The following CRPPA variants were observed in gnomAD, a reference collection of about 807,000 sequenced individuals.
CRPPA encodes the protein CDP-L-ribitol pyrophosphorylase A, also known as D-ribitol-5-phosphate cytidylyltransferase.
CRPPA carries 43 observed loss-of-function variants against 52.0 expected under a neutral mutation model. The ratio of observed to expected loss-of-function variants is 0.83; its 90% CI spans 0.65 to 1.07. The LOEUF (loss-of-function observed/expected upper bound fraction) is 1.07. Among genes scored for constraint, CRPPA ranks in the 50% least tolerant of loss-of-function variants. The probability of loss-of-function intolerance (pLI) is 0.00; values close to 1 mark genes in which losing one functional copy is unlikely to be tolerated. For missense variants in CRPPA, 629 were observed against 551.7 expected (o/e 1.14, Z -1.40); for synonymous variants, 250 against 203.5 (o/e 1.23, Z -1.94).
intron 2 of CRPPA, among the ~76,000 whole-genome samples, chr7:16,377,269 G>T (rs1055275980): frequency 5.9e-5 from 9 of 152,120 alleles, no homozygotes; most frequent in African/African-American, 1.9e-4. Flanking sequence ...AAACAAAAAT[G>T]AGGACACAGG....
chr7:16,144,408 G>C (rs1395000372), intron 9 of CRPPA, among the ~76,000 whole-genome samples: 1 of 152,218 alleles, frequency 6.6e-6, no homozygotes, highest in African/African-American at 2.4e-5. Flanking sequence ...GAAGTCATAT[G>C]CAGGAGTTCA....
rs941455729 is a variant in CRPPA at position 16,128,156 on chromosome 7, C to A, written c.1252-36357G>T. On this transcript the variant is annotated intron_variant, in intron 9 of 9. Transcript: ENST00000407010. ...GGAGGAGGGAGAACACCAGGAAGAA[C>A]TGAATGTATACTGGGCTTAATACTT... 3.3e-5 allele frequency among the ~76,000 whole-genome samples: 5 copies of A among 152,210 alleles called. No homozygotes were observed. The East Asian group carries it at 9.7e-4, about 29-fold the overall frequency.
intron 2 of CRPPA, among the ~76,000 whole-genome samples, chr7:16,399,566 G>A (rs114482670): frequency 0.02 from 3,071 of 151,936 alleles, 95 homozygotes; most frequent in African/African-American, 0.07. Flanking sequence ...GACATGACAC[G>A]TTTGTGACAT....
rs1439047279 is a variant in CRPPA at position 16,383,262 on chromosome 7, G to T, written c.535-7021C>A. Among the ~76,000 whole-genome samples the T allele has an allele frequency of 2.0e-5, 3 of 152,078 alleles. No homozygotes were observed. The East Asian group carries it at 5.8e-4, about 29-fold the overall frequency. On this transcript the variant is annotated intron_variant, in intron 2 of 9. Coordinates refer to ENST00000407010, the MANE Select transcript of CRPPA (RefSeq NM_001101426.4). ...TGGAGTTTGCTAGAGGTCCACTCTA[G>T]ACCCTGTTTGCCTGGGTATCAGCAG...
chr7:16,388,270 T>C (rs988423971), intron 2 of CRPPA, among the ~76,000 whole-genome samples: 12 of 151,924 alleles, frequency 7.9e-5, no homozygotes, highest in African/African-American at 2.9e-4. Context: ...CCAGCCAAAG[T>C]TGGGAATTTA....
intron 3 of CRPPA, 24 bp downstream of exon 3, chr7:16,376,068 T>G (rs1387292393): frequency 1.9e-6 from 3 of 1,549,964 alleles, no homozygotes; most frequent in Non-Finnish European, 2.6e-6. Context: ...AACAGCAGCT[T>G]ATTCAAAAAG....
At chr7:16,342,591 A>G (rs1305591030) in intron 3 of CRPPA, among the ~76,000 whole-genome samples, 4 of 151,192 alleles carry the variant, frequency 2.6e-5, no homozygotes, top group Non-Finnish European at 5.9e-5. Context: ...CATGTTGATA[A>G]TCCTCATCTC....
At chr7:16,136,510 G>A (rs997347252) in intron 9 of CRPPA, among the ~76,000 whole-genome samples, 1 of 152,122 alleles carries the variant, frequency 6.6e-6, no homozygotes, top group Non-Finnish European at 1.5e-5. Context: ...TATCCATTTT[G>A]AAGTTCAAGA....
chr7:16,221,545 A>G (rs1455002360), intron 8 of CRPPA, among the ~76,000 whole-genome samples: 1 of 152,176 alleles, frequency 6.6e-6, no homozygotes, highest in Non-Finnish European at 1.5e-5. Flanking sequence ...CAACCTACTC[A>G]TCTGACAAAG....
At chr7:16,102,767 G>T (rs973789853) in intron 9 of CRPPA, among the ~76,000 whole-genome samples, 8 of 152,206 alleles carry the variant, frequency 5.3e-5, no homozygotes, top group Non-Finnish European at 7.4e-5. Flanking sequence ...GCCATCTCAC[G>T]CCAGTTAGAA....
At chr7:16,160,137 GT>G (rs1783272231) in intron 9 of CRPPA, among the ~76,000 whole-genome samples, 1 of 152,132 alleles carries the variant, frequency 6.6e-6, no homozygotes, top group Admixed American at 6.5e-5. Flanking sequence ...TCTGATGATA[GT>G]TTATTTTGCT....
At chr7:16,118,790 T>C (rs552878919) in intron 9 of CRPPA, among the ~76,000 whole-genome samples, 1 of 152,306 alleles carries the variant, frequency 6.6e-6, no homozygotes, top group Non-Finnish European at 1.5e-5. Flanking sequence ...ATCTGAAGTA[T>C]AAATCCTAGC....
rs1787078166 is a variant in CRPPA, at chr7:16,381,220, C to G, written c.535-4979G>C. 2.0e-5 allele frequency among the ~76,000 whole-genome samples: 3 copies of G among 152,314 alleles called. No homozygotes were observed. The South Asian group carries it at 6.2e-4, about 32-fold the overall frequency. ...TGTTCTGGTTGGTTTCAAAGAACAT[C>G]TTTATTTCTGCCTTCATTTCGTTAT... On this transcript the variant is annotated intron_variant, in intron 2 of 9. Transcript: ENST00000407010.
chr7:16,145,923 A>G lies in CRPPA; in HGVS notation c.1252-54124T>C, dbSNP rs35491051. 7.9e-3 allele frequency among the ~76,000 whole-genome samples: 1,198 copies of G among 152,232 alleles called. 12 individuals are homozygous for G. The highest frequency in any genetic ancestry group is 0.044 in the Middle Eastern group (13 of 294). On this transcript the variant is annotated intron_variant, in intron 9 of 9. Transcript: ENST00000407010. ...TTTTTCAAAGAAATAATGACAGAAA[A>G]CTCCCAATGTCTCGGAAGGGAATTG...
intron 9 of CRPPA, among the ~76,000 whole-genome samples, chr7:16,197,440 C>T (rs536416654): frequency 2.6e-5 from 4 of 151,944 alleles, no homozygotes; most frequent in Non-Finnish European, 5.9e-5. Flanking sequence ...TGGGCTCAAG[C>T]GATCCTCTGG....
rs117506326 is a variant in CRPPA at position 16,267,134 on chromosome 7, A to G, written c.934-8122T>C. 2.6e-4 allele frequency among the ~76,000 whole-genome samples: 40 copies of G among 152,362 alleles called. No individual in the cohort carries two copies. The East Asian group carries it at 7.5e-3, about 29-fold the overall frequency. On this transcript the variant is annotated intron_variant, in intron 6 of 9. Coordinates refer to ENST00000407010, the MANE Select transcript of CRPPA (RefSeq NM_001101426.4). ...AAAACAAGGTCACAAAGAACAGAGT[A>G]TCTTAGCCATTGATGGATTAATATA...
chr7:16,360,864 A>G (rs1276828279), intron 3 of CRPPA, among the ~76,000 whole-genome samples: 1 of 152,210 alleles, frequency 6.6e-6, no homozygotes, highest in African/African-American at 2.4e-5. Context: ...GCAACAAAAG[A>G]AAATAAATTA....
At chr7:16,251,455 A>G (rs1249948746) in intron 8 of CRPPA, among the ~76,000 whole-genome samples, 1 of 152,212 alleles carries the variant, frequency 6.6e-6, no homozygotes, top group Non-Finnish European at 1.5e-5. Context: ...CACTTACTCT[A>G]AAATTGACCA....
chr7:16,227,634 G>A (rs1259111410), intron 8 of CRPPA, among the ~76,000 whole-genome samples: 1 of 151,708 alleles, frequency 6.6e-6, no homozygotes, highest in African/African-American at 2.4e-5. Context: ...CTTATGAGAT[G>A]TATCGTTTGC....
Sources: gnomAD v4.1 joint callset for allele counts (sites outside exome capture counted in the v4.1 genomes callset) on GRCh38, gnomAD v4.1.1 for gene constraint, MANE v1.5 for transcripts, NCBI Gene and HGNC (gene_info 2026-07-23, HGNC 2026-07-21) for gene names.